CCNE1: variants seen among roughly 807,000 people sequenced by gnomAD.
CCNE1 encodes G1/S-specific cyclin-E1.
Under a neutral mutation model 54.1 loss-of-function variants are expected in CCNE1, and 8 were observed. That is an observed-to-expected ratio of 0.15 (90% confidence interval 0.09 to 0.27). The LOEUF (loss-of-function observed/expected upper bound fraction) is 0.27. Ranked by LOEUF, CCNE1 falls within the 10% of genes least tolerant of loss-of-function variation. The pLI, the probability that CCNE1 is intolerant of heterozygous loss-of-function variation, is 1.00. For missense variants in CCNE1, 430 were observed against 514.9 expected (o/e 0.84, Z 1.60); for synonymous variants, 179 against 185.2 (o/e 0.97, Z 0.27).
intron 6 of CCNE1, among the ~76,000 whole-genome samples, chr19:29,819,862 G>A (rs1244972027): frequency 6.6e-6 from 1 of 152,200 alleles, no homozygotes; most frequent in Non-Finnish European, 1.5e-5. Flanking sequence ...AGTTGAGTGT[G>A]TAACTACAGA....
intron 11 of CCNE1, 94 bp from the exon 12 acceptor site, chr19:29,823,561 A>G: frequency 8.2e-7 from 1 of 1,213,338 alleles, no homozygotes; most frequent in Non-Finnish European, 1.1e-6. Flanking sequence ...GAAAAAAAAA[A>G]AATTTAAAAA....
At chr19:29,822,406 T>C in intron 10 of CCNE1, 40 bp from the exon 11 acceptor site, 1 of 1,613,972 alleles carries the variant, frequency 6.2e-7, no homozygotes. Flanking sequence ...TTACATCCAG[T>C]TGTCAGCCTC....
intron 6 of CCNE1, among the ~76,000 whole-genome samples, chr19:29,817,803 C>T (rs2145722892): frequency 6.6e-6 from 1 of 151,164 alleles, no homozygotes; most frequent in East Asian, 1.9e-4. Flanking sequence ...TTGTATTTTC[C>T]AGTAAATTGT....
At position 29,813,014 on chromosome 19, in the gene CCNE1, G is replaced by C; in HGVS notation, c.157G>C (p.Ala53Pro). 1 of 1,614,206 alleles carries C rather than the reference G, an allele frequency of 6.2e-7. No homozygotes were observed. Among genetic ancestry groups the C allele is most frequent in the Non-Finnish European group, 8.5e-7 (1 of 1,180,028 alleles). The change falls in exon 4 of 12, where the codon GCG (alanine) becomes CCG (proline). Residue 53 changes from alanine (A) to proline (P), a missense_variant. Ala to Pro is a conservative substitution (Grantham distance 27). Transcript: ENST00000262643. ...AGAAATGGCCAAAATCGACAGGACG[G>C]CGAGGGACCAGTGTGGGAGCCAGGT... ...DEEMAKIDRT[A>P]RDQCGSQPWD... is the part of the protein sequence containing the mutation.
In CCNE1 at chr19:29,812,560, C is replaced by T. The variant is rs1599594280; in HGVS notation, c.5C>T (p.Pro2Leu). Residue 2 changes from proline to leucine, a missense_variant, in exon 2 of 12, where the codon CCG (proline) becomes CTG (leucine). By Grantham distance (98) the Pro-to-Leu change is moderately conservative. Around this residue, in one of 2 missense-constraint regions of CCNE1, gnomAD observed 127 missense variants for 113.8 expected, o/e 1.12. Transcript: ENST00000262643. ...TCAGGCCGGAGCAGCCCCATCATGCCGAGGGAGCGCAGGGAGCGGTGAGTG... is the reference window on the plus strand; with the variant it reads ...TCAGGCCGGAGCAGCCCCATCATGCTGAGGGAGCGCAGGGAGCGGTGAGTG... The part of the protein sequence containing the change: M[P>L]RERRERDAKE... The T allele has an allele frequency of 6.6e-7, 1 of 1,508,444 alleles. No homozygotes were observed. 93.4% of individuals were successfully genotyped at this position (1,508,444 alleles called of 1,614,324 possible). A position where few individuals can be genotyped will look rare whatever the true frequency, so the allele number is the denominator to read the frequency against.
In CCNE1 at chr19:29,823,752, A is replaced by G; in HGVS notation, c.1208A>G (p.Gln403Arg). The G allele has an allele frequency of 6.2e-7, 1 of 1,613,788 alleles. No homozygotes were observed. Among genetic ancestry groups the G allele is most frequent in the Non-Finnish European group, 8.5e-7 (1 of 1,179,816 alleles). Residue 403 changes from glutamine to arginine, a missense_variant, in exon 12 of 12, where the codon CAG (glutamine) becomes CGG (arginine). This residue lies in a region of CCNE1 where 303 missense variants were observed against 401.1 expected (regional missense o/e 0.76). Transcript: ENST00000262643. ...ACCCCGCCACAGAGCGGTAAGAAGC[A>G]GAGCAGCGGGCCGGAAATGGCGTGA... ...LLTPPQSGKK[Q>R]SSGPEMA
chr19:29,823,549 G>C, intron 11 of CCNE1, 106 bp from the exon 12 acceptor site: 1 of 982,716 alleles, frequency 1.0e-6, no homozygotes, highest in Middle Eastern at 3.4e-4. Context: ...TCTCCATCTT[G>C]AGAAAAAAAA....
intron 1 of CCNE1, among the ~76,000 whole-genome samples, 178 bp downstream of exon 1, chr19:29,812,330 C>T (rs1446751060): frequency 1.3e-5 from 2 of 149,246 alleles, no homozygotes; most frequent in South Asian, 2.1e-4. Flanking sequence ...CAGCCCGGGC[C>T]CCGGGAGGCG....
chr19:29,813,674 A>G (rs1286673966), intron 4 of CCNE1, among the ~76,000 whole-genome samples: 2 of 135,644 alleles, frequency 1.5e-5, no homozygotes, highest in South Asian at 4.5e-4. Context: ...GTGGTGTCTC[A>G]ATACATTTTT....
At chr19:29,822,402 C>G (rs1974171915) in intron 10 of CCNE1, 44 bp from the exon 11 acceptor site, 2 of 1,613,878 alleles carry the variant, frequency 1.2e-6, no homozygotes, top group Non-Finnish European at 1.7e-6. Context: ...AAGCTTACAT[C>G]CAGTTGTCAG....
chr19:29,821,556 T>A, intron 7 of CCNE1, among the ~76,000 whole-genome samples, 166 bp from the exon 8 acceptor site: 1 of 145,950 alleles, frequency 6.9e-6, no homozygotes, highest in South Asian at 2.1e-4. Context: ...TCTTTTTTTT[T>A]TTTTTTTTTT....
intron 10 of CCNE1, 30 bp downstream of exon 10, chr19:29,822,381 C>T (rs768383796): frequency 8.1e-6 from 13 of 1,613,518 alleles, no homozygotes; most frequent in South Asian, 1.1e-5. Flanking sequence ...CATGCACAAA[C>T]AAGGTGTACT....
chr19:29,812,791 G>C lies in CCNE1; in HGVS notation c.111+15G>C. 3.2e-6 allele frequency: 5 copies of C among 1,555,552 alleles called. No homozygotes were observed. The highest frequency in any genetic ancestry group is 4.3e-6 in the Non-Finnish European group (5 of 1,156,520). On this transcript the variant is annotated intron_variant, in intron 3 of 11. Transcript: ENST00000262643. Reference sequence around the variant, plus strand: ...ACGTGACCGTTGTGAGTACAAAAGAGACAGGTTGGGGAGCATCCCCCCCAT... The same window carrying C: ...ACGTGACCGTTGTGAGTACAAAAGACACAGGTTGGGGAGCATCCCCCCCAT...
rs773352937 is a variant in CCNE1 at position 29,822,528 on chromosome 19, A to C, written c.1035A>C (p.Lys345Asn). 6.2e-7 allele frequency: 1 copy of C among 1,613,914 alleles called. No individual in the cohort carries two copies. Among genetic ancestry groups the C allele is most frequent in the Non-Finnish European group, 8.5e-7 (1 of 1,180,026 alleles). Residue 345 changes from lysine to asparagine, a missense_variant, in exon 11 of 12, where the codon AAA becomes AAC. By Grantham distance (94) the Lys-to-Asn change is moderately conservative. Coordinates refer to ENST00000262643, the MANE Select transcript of CCNE1 (RefSeq NM_001238.4). ...AMVIRETGSS[K>N]LKHFRGVADE... ...TTATAAGGGAGACGGGGAGCTCAAA[A>C]CTGAAGCACTTCAGGGGCGTCGCTG...
intron 6 of CCNE1, among the ~76,000 whole-genome samples, chr19:29,820,017 G>A (rs907653468): frequency 1.3e-5 from 2 of 152,214 alleles, no homozygotes; most frequent in African/African-American, 4.8e-5. Flanking sequence ...GCTTCTCTTT[G>A]GCATTTCCAA....
intron 7 of CCNE1, 84 bp from the exon 8 acceptor site, chr19:29,821,638 C>A: frequency 1.6e-6 from 1 of 629,056 alleles, no homozygotes; most frequent in Non-Finnish European, 2.9e-6. Context: ...TGCCAGGGTA[C>A]TGAGAAGTCA....
chr19:29,812,247 CCCCGGGCGGCGTCGCGGGGCG>C (rs1973905954), intron 1 of CCNE1, 95 bp downstream of exon 1: 1 of 160,600 alleles, frequency 6.2e-6, no homozygotes, highest in African/African-American at 2.4e-5. Context: ...GGTCGCGGGT[CCCCGGGCGGCGTCGCGGGGCG>C]CCCGGGAGGG....
Position 29,812,770 on chromosome 19 carries a change from G to T in CCNE1, c.105G>T (p.Val35=). The T allele has an allele frequency of 6.3e-7, 1 of 1,590,770 alleles. No individual in the cohort carries two copies. The part of the protein sequence containing the change: ...SARSRKRKAN[V]TVFLQDPDEE... The stretch of plus-strand genomic sequence containing the variant: ...GCTCCAGGAAGAGGAAGGCAAACGT[G>T]ACCGTTGTGAGTACAAAAGAGACAG... Residue 35 remains valine (V), a synonymous_variant, in exon 3 of 12, where the codon GTG becomes GTT. Transcript: ENST00000262643.
chr19:29,823,204 A>G (rs564551262), intron 11 of CCNE1, among the ~76,000 whole-genome samples: 64 of 152,282 alleles, frequency 4.2e-4, no homozygotes, highest in African/African-American at 1.5e-3. Flanking sequence ...TAAGCTCAGA[A>G]GTTTGAGACT....
Sources: gnomAD v4.1 joint callset for allele counts (sites outside exome capture counted in the v4.1 genomes callset) on GRCh38, gnomAD v4.1.1 for gene constraint, gnomAD v4.1.1 regional missense constraint, MANE v1.5 for transcripts, NCBI Gene and HGNC (gene_info 2026-07-23, HGNC 2026-07-21) for gene names.